The following LRMDA variants were observed in gnomAD, a reference collection of about 807,000 sequenced individuals.
The protein encoded by LRMDA is leucine-rich melanocyte differentiation-associated protein.
Under a neutral mutation model 29.8 loss-of-function variants are expected in LRMDA, and 18 were observed. The ratio of observed to expected loss-of-function variants is 0.60; its 90% CI spans 0.42 to 0.90. The LOEUF (loss-of-function observed/expected upper bound fraction) is 0.90. Ranked by LOEUF, LRMDA falls within the 40% of genes least tolerant of loss-of-function variation. The probability of loss-of-function intolerance (pLI) is 0.00; values close to 1 mark genes in which losing one functional copy is unlikely to be tolerated. For missense variants in LRMDA, 273 were observed against 273.9 expected, an observed-to-expected ratio of 1.00 and a Z score of 0.02; for synonymous variants, 125 against 109.4, an observed-to-expected ratio of 1.14 and a Z score of -0.89.
chr10:75,670,011 G>A (rs7902118), intron 2 of LRMDA, among the ~76,000 whole-genome samples: 5,711 of 152,208 alleles, frequency 0.038, 267 homozygotes, highest in African/African-American at 0.11. Flanking sequence ...TAAAAATATA[G>A]CAACTCTTTA....
intron 6 of LRMDA, among the ~76,000 whole-genome samples, chr10:76,527,519 A>T (rs1015863171): frequency 6.6e-6 from 1 of 152,154 alleles, no homozygotes; most frequent in Non-Finnish European, 1.5e-5. Flanking sequence ...AGAGCCACTG[A>T]GTAAAAACTC....
At chr10:76,442,596 G>T (rs1179308990) in intron 6 of LRMDA, among the ~76,000 whole-genome samples, 3 of 152,102 alleles carry the variant, frequency 2.0e-5, no homozygotes, top group Non-Finnish European at 4.4e-5. Context: ...AGGAGGCTGG[G>T]GTTAGAAGAT....
intron 5 of LRMDA, among the ~76,000 whole-genome samples, chr10:76,099,583 G>A (rs1849365459): frequency 6.7e-6 from 1 of 149,028 alleles, no homozygotes; most frequent in Admixed American, 6.7e-5. Context: ...TGCATCCCAT[G>A]TATTTTGTTT....
At chr10:76,099,669 A>T (rs1156723274) in intron 5 of LRMDA, among the ~76,000 whole-genome samples, 1 of 152,024 alleles carries the variant, frequency 6.6e-6, no homozygotes, top group Admixed American at 6.6e-5. Flanking sequence ...TAATTTGTTA[A>T]TTTCATATAC....
intron 2 of LRMDA, among the ~76,000 whole-genome samples, chr10:75,560,110 A>G (rs917629215): frequency 6.6e-6 from 1 of 151,676 alleles, no homozygotes; most frequent in Non-Finnish European, 1.5e-5. Flanking sequence ...TTGAATCTAT[A>G]AATTACCTTG....
At position 75,546,786 on chromosome 10, in the gene LRMDA, T is replaced by C. The variant is rs992928583; in HGVS notation, c.131+108292T>C. Among the ~76,000 whole-genome samples, 6 of 152,340 alleles carry C rather than the reference T, an allele frequency of 3.9e-5. 1 individual carries two copies. Among genetic ancestry groups the C allele is most frequent in the Admixed American group, 2.0e-4 (3 of 15,304 alleles). ...AATCATTACTGATAGCTATTAATTG[T>C]ACCATTAAGTGGCTATTCAGATTAT... On this transcript the variant is annotated intron_variant, in intron 2 of 6. Transcript: ENST00000611255.
intron 6 of LRMDA, among the ~76,000 whole-genome samples, chr10:76,533,031 A>G (rs1843251521): frequency 6.6e-6 from 1 of 152,170 alleles, no homozygotes; most frequent in Non-Finnish European, 1.5e-5. Context: ...CATAGTTGTA[A>G]TAACAAATAA....
chr10:76,541,011 C>T (rs1843347891), intron 6 of LRMDA, among the ~76,000 whole-genome samples: 2 of 152,162 alleles, frequency 1.3e-5, no homozygotes, highest in Admixed American at 1.3e-4. Flanking sequence ...TCCTAGCACC[C>T]ATGGAGCAAC....
At chr10:76,134,110 A>C (rs1482613149) in intron 5 of LRMDA, among the ~76,000 whole-genome samples, 3 of 152,216 alleles carry the variant, frequency 2.0e-5, no homozygotes, top group Non-Finnish European at 1.5e-5. Context: ...GCCACTCTGC[A>C]GCTGACCCTT....
At chr10:75,949,914 C>T (rs1846544406) in intron 2 of LRMDA, among the ~76,000 whole-genome samples, 2 of 152,178 alleles carry the variant, frequency 1.3e-5, no homozygotes, top group African/African-American at 4.8e-5. Flanking sequence ...ACCAAGGCTG[C>T]CATGTGCTAG....
chr10:75,592,598 G>A lies in LRMDA; in HGVS notation c.131+154104G>A, dbSNP rs931945724. Among the ~76,000 whole-genome samples the A allele has an allele frequency of 4.6e-5, 7 of 152,206 alleles. 1 individual carries two copies. Among genetic ancestry groups the A allele is most frequent in the South Asian group, 4.1e-4 (2 of 4,834 alleles). ...GGGTATGAACAGAAAAAACCACCAA[G>A]CAGCACTGGGCAGCTCTACCGTCGT... On this transcript the variant is annotated intron_variant, in intron 2 of 6. Coordinates refer to ENST00000611255, the MANE Select transcript of LRMDA (RefSeq NM_001305581.2).
intron 2 of LRMDA, among the ~76,000 whole-genome samples, chr10:75,942,901 A>G (rs1846416522): frequency 6.6e-6 from 1 of 152,104 alleles, no homozygotes; most frequent in South Asian, 2.1e-4. Context: ...CCTATCATCC[A>G]TGAGTCTGGA....
intron 6 of LRMDA, among the ~76,000 whole-genome samples, chr10:76,337,280 T>A (rs956360889): frequency 1.3e-5 from 2 of 152,174 alleles, no homozygotes; most frequent in African/African-American, 4.8e-5. Flanking sequence ...TATGTTCTAG[T>A]CAGAGAGAGG....
chr10:75,459,752 A>G (rs1844563026), intron 2 of LRMDA, among the ~76,000 whole-genome samples: 2 of 152,132 alleles, frequency 1.3e-5, no homozygotes, highest in African/African-American at 4.8e-5. Flanking sequence ...GGAAGTTGGG[A>G]AGTCCAAGAT....
chr10:75,482,007 C>T (rs1028150280), intron 2 of LRMDA, among the ~76,000 whole-genome samples: 3 of 152,192 alleles, frequency 2.0e-5, no homozygotes, highest in Non-Finnish European at 4.4e-5. Flanking sequence ...TAGGTGTTCT[C>T]ATAACATCAC....
intron 2 of LRMDA, among the ~76,000 whole-genome samples, chr10:75,767,694 T>G (rs1482335816): frequency 1.3e-5 from 2 of 152,288 alleles, no homozygotes; most frequent in African/African-American, 4.8e-5. Context: ...TATATATGAC[T>G]TTGTGTCTTT....
At chr10:76,133,324 T>G (rs1850033615) in intron 5 of LRMDA, among the ~76,000 whole-genome samples, 1 of 152,146 alleles carries the variant, frequency 6.6e-6, no homozygotes, top group Admixed American at 6.5e-5. Flanking sequence ...TTTTTCCTTG[T>G]ATGCAGGTAG....
At chr10:76,460,910 A>C (rs1020176283) in intron 6 of LRMDA, among the ~76,000 whole-genome samples, 3 of 152,200 alleles carry the variant, frequency 2.0e-5, no homozygotes, top group African/African-American at 7.2e-5. Context: ...GTATTCATAG[A>C]TAAAAACTGC....
intron 5 of LRMDA, among the ~76,000 whole-genome samples, chr10:76,245,306 A>C (rs1486851392): frequency 6.6e-6 from 1 of 152,148 alleles, no homozygotes; most frequent in Admixed American, 6.5e-5. Flanking sequence ...CAGTTTTGCC[A>C]TCTCTAAATG....
Sources: gnomAD v4.1 joint callset for allele counts (sites outside exome capture counted in the v4.1 genomes callset) on GRCh38, gnomAD v4.1.1 for gene constraint, MANE v1.5 for transcripts, NCBI Gene and HGNC (gene_info 2026-07-23, HGNC 2026-07-21) for gene names.